Variants in ACTN1 observed in about 807,000 individuals in gnomAD.
ACTN1 encodes actinin alpha 1.
Under a neutral mutation model 119.6 loss-of-function variants are expected in ACTN1, and 30 were observed. The ratio of observed to expected loss-of-function variants is 0.25; its 90% confidence interval spans 0.19 to 0.34. The LOEUF is 0.34. ACTN1 is among the 10% of genes least tolerant of loss of function. The probability of loss-of-function intolerance (pLI) is 1.00; values close to 1 mark genes in which losing one functional copy is unlikely to be tolerated. For missense variants in ACTN1, 764 were observed against 1,223.4 expected, an observed-to-expected ratio of 0.62 and a Z score of 5.60; for synonymous variants, 429 against 472.6, an observed-to-expected ratio of 0.91 and a Z score of 1.20.
chr14:68,907,966 G>A (rs1444390860), intron 6 of ACTN1, among the ~76,000 whole-genome samples: 2 of 151,944 alleles, frequency 1.3e-5, no homozygotes, highest in Admixed American at 1.3e-4. Flanking sequence ...CCTTGGCCAC[G>A]TTTGATTTGG....
intron 3 of ACTN1, among the ~76,000 whole-genome samples, chr14:68,913,830 CAG>C (rs1471966191): frequency 1.3e-5 from 2 of 152,202 alleles, no homozygotes; most frequent in African/African-American, 2.4e-5. Flanking sequence ...TGGAGAGAAA[CAG>C]AGAGCTGAGC....
At chr14:68,962,132 T>C (rs1178979127) in intron 1 of ACTN1, among the ~76,000 whole-genome samples, 2 of 152,118 alleles carry the variant, frequency 1.3e-5, no homozygotes, top group African/African-American at 4.8e-5. Flanking sequence ...CGAGTCAGGA[T>C]CCCCACTGAT....
intron 16 of ACTN1, among the ~76,000 whole-genome samples, chr14:68,881,928 G>C (rs1165427032): frequency 1.0e-5 from 1 of 97,938 alleles, no homozygotes; most frequent in Non-Finnish European, 2.0e-5. Flanking sequence ...GACTTTCATA[G>C]GCAGCTTCTT....
chr14:68,972,998 G>A (rs1284276776), intron 1 of ACTN1, among the ~76,000 whole-genome samples: 1 of 152,220 alleles, frequency 6.6e-6, no homozygotes, highest in South Asian at 2.1e-4. Flanking sequence ...GGGGCCAGTT[G>A]GGGTCATGAA....
chr14:68,887,308 T>C lies in ACTN1; in HGVS notation c.1235-1733A>G, dbSNP rs2032099911. 6 of 345,784 alleles carry C rather than the reference T, an allele frequency of 1.7e-5. No homozygotes were observed. The Middle Eastern group carries it at 5.2e-3, about 298-fold the overall frequency. 21.4% of individuals were successfully genotyped at this position (345,784 alleles called of 1,614,324 possible). ...AAAACAGGACTACCACAACCAAAGA[T>C]GTTACAGAGTGCACAATTCTGACAG... On this transcript the variant is annotated intron_variant, in intron 11 of 21. Transcript: ENST00000394419.
At chr14:68,969,052 C>G (rs1418267988) in intron 1 of ACTN1, among the ~76,000 whole-genome samples, 1 of 152,196 alleles carries the variant, frequency 6.6e-6, no homozygotes, top group Non-Finnish European at 1.5e-5. Flanking sequence ...CTTGCCCATG[C>G]CAAGCAGACT....
chr14:68,901,505 C>T (rs1470220352), intron 8 of ACTN1, among the ~76,000 whole-genome samples: 1 of 152,150 alleles, frequency 6.6e-6, no homozygotes, highest in Non-Finnish European at 1.5e-5. Context: ...GCCTTGGCCT[C>T]CCAAAGTGCT....
intron 8 of ACTN1, among the ~76,000 whole-genome samples, chr14:68,900,171 C>A (rs2033216376): frequency 6.6e-6 from 1 of 152,102 alleles, no homozygotes; most frequent in South Asian, 2.1e-4. Flanking sequence ...TGCTGCCAGC[C>A]CATATGGTGT....
rs1478452547 is a variant in ACTN1, at chr14:68,893,644, G to T, written c.855+11C>A. On this transcript the variant is annotated intron_variant, in intron 9 of 21. Coordinates refer to ENST00000394419, the MANE Select transcript of ACTN1 (RefSeq NM_001130004.2). ...GCTAGAGTCAGGCCAGGTGAACCCGGGGGTACCCACATCACTGGCCAGCTT... is the reference window on the plus strand; with the variant it reads ...GCTAGAGTCAGGCCAGGTGAACCCGTGGGTACCCACATCACTGGCCAGCTT... 1 of 1,613,632 alleles carries T rather than the reference G, an allele frequency of 6.2e-7. No homozygotes were observed. Among genetic ancestry groups the T allele is most frequent in the Non-Finnish European group, 8.5e-7 (1 of 1,179,736 alleles).
intron 13 of ACTN1, 105 bp from the exon 14 acceptor site, chr14:68,884,413 C>CA: frequency 3.0e-6 from 4 of 1,341,962 alleles, no homozygotes; most frequent in Non-Finnish European, 4.1e-6. Context: ...AGCACTGACT[C>CA]AATCAGGCAG....
At chr14:68,932,495 CCTGA>C (rs949911096) in intron 1 of ACTN1, among the ~76,000 whole-genome samples, 1 of 149,708 alleles carries the variant, frequency 6.7e-6, no homozygotes, top group Admixed American at 6.7e-5. Flanking sequence ...TCTAGAGAAC[CCTGA>C]CTAATACACC....
chr14:68,955,715 G>A (rs1413530312), intron 1 of ACTN1, among the ~76,000 whole-genome samples: 1 of 152,176 alleles, frequency 6.6e-6, no homozygotes, highest in African/African-American at 2.4e-5. Context: ...CAGAATCCCT[G>A]GGATGAATCA....
chr14:68,979,009 T>C lies in ACTN1; in HGVS notation c.48A>G (p.Glu16=), dbSNP rs2037173900. The C allele has an allele frequency of 6.2e-7, 1 of 1,604,458 alleles. No homozygotes were observed. Among genetic ancestry groups the C allele is most frequent in the African/African-American group, 1.3e-5 (1 of 74,316 alleles). ...GGAGCAGGTCCCGGTCCCAGTCCTC[T>C]TCTGGCTGCATGTAATCGTTGGTTT... The part of the protein sequence containing the change: ...SQQTNDYMQP[E]EDWDRDLLLD... Residue 16 remains glutamate (E), a synonymous_variant, in exon 1 of 22, where the codon GAA becomes GAG. Coordinates refer to ENST00000394419, the MANE Select transcript of ACTN1 (RefSeq NM_001130004.2).
At chr14:68,924,440 G>A (rs2034816085) in intron 2 of ACTN1, among the ~76,000 whole-genome samples, 1 of 152,250 alleles carries the variant, frequency 6.6e-6, no homozygotes, top group South Asian at 2.1e-4. Flanking sequence ...AACTGGCAGA[G>A]GATCGAAGGT....
chr14:68,960,996 A>G (rs1383360506), intron 1 of ACTN1, among the ~76,000 whole-genome samples: 4 of 152,224 alleles, frequency 2.6e-5, no homozygotes, highest in South Asian at 4.2e-4. Flanking sequence ...CTTGAGCCCA[A>G]AAGTTTGAGG....
At position 68,891,926 on chromosome 14, in the gene ACTN1, A is replaced by G. The variant is rs1238713238; in HGVS notation, c.1086+127T>C. The G allele has an allele frequency of 6.7e-6, 8 of 1,192,892 alleles. No individual in the cohort carries two copies. In the Admixed American group the frequency reaches 2.2e-4, roughly 32 times the overall value. 73.9% of individuals were successfully genotyped at this position (1,192,892 alleles called of 1,614,324 possible). A position where few individuals can be genotyped will look rare whatever the true frequency, so the allele number is the denominator to read the frequency against. On this transcript the variant is annotated intron_variant, in intron 10 of 21. Transcript: ENST00000394419. ...GGAAGGGGGAAGTGACTTCTGGAGCAGTGTATGTAGGTAGAAGCAAACACG... is the reference window on the plus strand; with the variant it reads ...GGAAGGGGGAAGTGACTTCTGGAGCGGTGTATGTAGGTAGAAGCAAACACG...
chr14:68,937,807 C>G (rs906076701), intron 1 of ACTN1, among the ~76,000 whole-genome samples: 1 of 152,254 alleles, frequency 6.6e-6, no homozygotes, highest in South Asian at 2.1e-4. Context: ...CCAGCCTCCC[C>G]AGGCAAGCAC....
At chr14:68,977,837 TG>T in intron 1 of ACTN1, 2 of 399,124 alleles carry the variant, frequency 5.0e-6, no homozygotes, top group Non-Finnish European at 1.0e-5. Flanking sequence ...CAGATCAGCC[TG>T]GGGGTGGGGA....
chr14:68,895,589 G>C (rs2140182681), intron 8 of ACTN1, among the ~76,000 whole-genome samples: 1 of 152,280 alleles, frequency 6.6e-6, no homozygotes, highest in Non-Finnish European at 1.5e-5. Context: ...TTGTGAGGAT[G>C]TGCCACCCCG....
Sources: gnomAD v4.1 joint callset for allele counts (sites outside exome capture counted in the v4.1 genomes callset) on GRCh38, gnomAD v4.1.1 for gene constraint, MANE v1.5 for transcripts, NCBI Gene and HGNC (gene_info 2026-07-23, HGNC 2026-07-21) for gene names.